The following ARHGEF3 variants were observed in gnomAD, a reference collection of about 807,000 sequenced individuals.
ARHGEF3 encodes Rho guanine nucleotide exchange factor 3, also known as 59.8 kDA protein.
A neutral mutation model predicts 63.2 loss-of-function variants in ARHGEF3; 28 were observed. That is an observed-to-expected ratio of 0.44 (90% CI 0.33 to 0.61). The LOEUF (loss-of-function observed/expected upper bound fraction) is 0.61, where lower values mean the gene tolerates loss of function less well. ARHGEF3 is among the 20% of genes least tolerant of loss of function. The pLI is 0.03. For missense variants in ARHGEF3, 533 were observed against 659.3 expected (o/e 0.81, Z 2.10); for synonymous variants, 266 against 254.2 (o/e 1.05, Z -0.44).
intron 4 of ARHGEF3, among the ~76,000 whole-genome samples, chr3:56,816,968 C>T (rs1050775765): frequency 8.5e-5 from 13 of 152,180 alleles, no homozygotes; most frequent in African/African-American, 3.1e-4. Context: ...GACGTTTTTG[C>T]TCACCAGCTT....
At chr3:56,951,214 C>T (rs906812796) in intron 3 of ARHGEF3, among the ~76,000 whole-genome samples, 2 of 151,216 alleles carry the variant, frequency 1.3e-5, no homozygotes, top group Middle Eastern at 6.8e-3. Flanking sequence ...ACCAACATGG[C>T]ACATGTATAC....
At position 56,958,735 on chromosome 3, in the gene ARHGEF3, C is replaced by G. The variant is rs574038772; in HGVS notation, c.129+88G>C. 14 of 1,387,484 alleles carry G rather than the reference C, an allele frequency of 1.0e-5. No individual in the cohort carries two copies. In the Admixed American group the frequency reaches 2.6e-4, roughly 25 times the overall value. The allele number at this position is 1,387,484 out of a possible 1,614,324, so 85.9% of individuals were successfully genotyped here. On this transcript the variant is annotated intron_variant, in intron 3 of 12. Coordinates refer to the ARHGEF3 transcript ENST00000338458. ...CTGATGGAGACTTTGATTAGTAAAA[C>G]CAACCCTAACAGCGTCCGTTCTGGA...
intron 3 of ARHGEF3, among the ~76,000 whole-genome samples, chr3:56,922,853 G>A (rs2042177512): frequency 6.6e-6 from 1 of 151,838 alleles, no homozygotes; most frequent in African/African-American, 2.4e-5. Flanking sequence ...CTAGCAGGTT[G>A]CAGGGAGGAT....
chr3:56,905,914 G>C (rs572888195), intron 3 of ARHGEF3, among the ~76,000 whole-genome samples: 6 of 152,128 alleles, frequency 3.9e-5, no homozygotes, highest in Admixed American at 6.5e-5. Flanking sequence ...TGCCAGGCTA[G>C]AGTGAAGTGG....
At chr3:56,851,165 C>G (rs578236683) in intron 4 of ARHGEF3, among the ~76,000 whole-genome samples, 1 of 152,264 alleles carries the variant, frequency 6.6e-6, no homozygotes. Context: ...ACCCTCCCTT[C>G]TCCCTACCCC....
At chr3:56,823,389 A>G (rs539263915) in intron 4 of ARHGEF3, among the ~76,000 whole-genome samples, 12 of 152,242 alleles carry the variant, frequency 7.9e-5, no homozygotes, top group African/African-American at 2.4e-4. Flanking sequence ...CCATCTTGTC[A>G]TGGTCCAGCC....
chr3:56,812,575 T>C lies in ARHGEF3; in HGVS notation c.193-38759A>G, dbSNP rs78753983. Among the ~76,000 whole-genome samples the C allele has an allele frequency of 2.6e-5, 4 of 152,382 alleles. No individual in the cohort carries two copies. The East Asian group carries it at 7.7e-4, about 29-fold the overall frequency. ...AGGTTTTTGATTCCAGGTTAAACTC[T>C]ACAAAAATGTTTTTTTCCTCTTAAC... On this transcript the variant is annotated intron_variant, in intron 4 of 12. Coordinates refer to the ARHGEF3 transcript ENST00000338458.
chr3:56,792,207 A>G (rs2037124408), intron 1 of ARHGEF3, among the ~76,000 whole-genome samples: 1 of 152,218 alleles, frequency 6.6e-6, no homozygotes, highest in Non-Finnish European at 1.5e-5. Flanking sequence ...GCACAATGAA[A>G]AAGGAGGAAG....
At chr3:56,878,654 A>G (rs1195657092) in intron 4 of ARHGEF3, among the ~76,000 whole-genome samples, 1 of 152,164 alleles carries the variant, frequency 6.6e-6, no homozygotes, top group African/African-American at 2.4e-5. Context: ...CTGAAATCAC[A>G]CATCAATTTT....
At chr3:56,984,804 G>A (rs980798792) in intron 2 of ARHGEF3, among the ~76,000 whole-genome samples, 1 of 152,150 alleles carries the variant, frequency 6.6e-6, no homozygotes, top group Non-Finnish European at 1.5e-5. Context: ...TCTTAGAGTG[G>A]ACTAGAGAGG....
intron 4 of ARHGEF3, among the ~76,000 whole-genome samples, chr3:56,812,226 T>TGG (rs2038092807): frequency 6.6e-6 from 1 of 152,196 alleles, no homozygotes; most frequent in Non-Finnish European, 1.5e-5. Flanking sequence ...AAAAATAATA[T>TGG]GCAGAATACT....
At chr3:57,076,237 T>A (rs1489325588) in intron 1 of ARHGEF3, among the ~76,000 whole-genome samples, 1 of 151,690 alleles carries the variant, frequency 6.6e-6, no homozygotes, top group Non-Finnish European at 1.5e-5. Context: ...ATACATAACT[T>A]GGCCTTGAAG....
At chr3:56,888,764 A>G (rs1180121790) in intron 3 of ARHGEF3, among the ~76,000 whole-genome samples, 1 of 152,030 alleles carries the variant, frequency 6.6e-6, no homozygotes, top group Non-Finnish European at 1.5e-5. Flanking sequence ...TTAGCTGGGC[A>G]TGATTGTGTG....
intron 3 of ARHGEF3, among the ~76,000 whole-genome samples, chr3:56,928,792 T>C (rs940558639): frequency 4.0e-5 from 6 of 151,864 alleles, no homozygotes; most frequent in African/African-American, 9.7e-5. Flanking sequence ...CCCAGAGAGG[T>C]TGAATTCCTC....
intron 2 of ARHGEF3, among the ~76,000 whole-genome samples, chr3:57,017,599 CA>C (rs1156805751): frequency 2.6e-4 from 39 of 152,188 alleles, no homozygotes; most frequent in Non-Finnish European, 4.3e-4. Context: ...CTTGAAGAAA[CA>C]AACCCTTCCC....
intron 1 of ARHGEF3, among the ~76,000 whole-genome samples, chr3:56,794,488 C>CAAAAAAAAAAAAAAAAAAAAAA (rs10557985): frequency 2.6e-5 from 3 of 116,914 alleles, no homozygotes; most frequent in African/African-American, 9.6e-5. Flanking sequence ...GACTCTATCT[C>CAAAAAAAAAAAAAAAAAAAAAA]AAAAAAAAAA....
intron 4 of ARHGEF3, among the ~76,000 whole-genome samples, chr3:56,841,796 G>A (rs2039315785): frequency 6.6e-6 from 1 of 151,934 alleles, no homozygotes; most frequent in Non-Finnish European, 1.5e-5. Context: ...ATAAAAAGAG[G>A]ACCAAAAAGT....
upstream of ARHGEF3, among the ~76,000 whole-genome samples, chr3:56,806,802 G>A (rs1481593838): frequency 6.6e-6 from 1 of 152,230 alleles, no homozygotes. Flanking sequence ...AAAACCAGAA[G>A]CTAACATGGC....
chr3:57,037,470 T>C (rs570900523), intron 1 of ARHGEF3, among the ~76,000 whole-genome samples: 2 of 152,314 alleles, frequency 1.3e-5, no homozygotes, highest in East Asian at 1.9e-4. Flanking sequence ...CAAGCAGCCA[T>C]GAGGGATCAG....
Sources: gnomAD v4.1 joint callset for allele counts (sites outside exome capture counted in the v4.1 genomes callset) on GRCh38, gnomAD v4.1.1 for gene constraint, MANE v1.5 for transcripts, NCBI Gene and HGNC (gene_info 2026-07-23, HGNC 2026-07-21) for gene names.